ADARB2: variants seen among roughly 807,000 people sequenced by gnomAD.
ADARB2 encodes adenosine deaminase RNA specific B2 (inactive), also known as inactive double-stranded RNA-specific editase B2.
Under a neutral mutation model 62.2 loss-of-function variants are expected in ADARB2, and 25 were observed. The observed-to-expected ratio is 0.40, with a 90% CI of 0.29 to 0.56. The LOEUF (loss-of-function observed/expected upper bound fraction) is 0.56, where lower values mean the gene tolerates loss of function less well. Ranked by LOEUF, ADARB2 falls within the 20% of genes least tolerant of loss-of-function variation. The pLI is 0.43. For missense variants in ADARB2, 1,071 were observed against 1,077.4 expected (o/e 0.99, Z 0.08); for synonymous variants, 572 against 500.8 (o/e 1.14, Z -1.90).
intron 1 of ADARB2, among the ~76,000 whole-genome samples, chr10:1,564,956 A>C (rs781482201): frequency 5.6e-4 from 86 of 152,282 alleles, no homozygotes; most frequent in Non-Finnish European, 9.8e-4. Flanking sequence ...TCCTCCAGCG[A>C]TTCAGGCCTG....
chr10:1,400,841 C>T (rs887674190), intron 1 of ADARB2, among the ~76,000 whole-genome samples: 9 of 152,128 alleles, frequency 5.9e-5, no homozygotes, highest in African/African-American at 1.2e-4. Context: ...GGGCTTATGG[C>T]TTTGGAGTTG....
intron 1 of ADARB2, among the ~76,000 whole-genome samples, chr10:1,641,090 T>C (rs184737549): frequency 2.0e-5 from 3 of 152,372 alleles, no homozygotes; most frequent in Non-Finnish European, 4.4e-5. Flanking sequence ...AAAAAACATT[T>C]TCATAAACTA....
chr10:1,450,431 G>A (rs950590936), intron 1 of ADARB2, among the ~76,000 whole-genome samples: 12 of 152,158 alleles, frequency 7.9e-5, no homozygotes, highest in East Asian at 3.9e-4. Flanking sequence ...TCCCACTCTC[G>A]TGGCTTCGGT....
chr10:1,688,134 T>A (rs73591021), intron 1 of ADARB2, among the ~76,000 whole-genome samples: 2,712 of 152,374 alleles, frequency 0.018, 62 homozygotes, highest in African/African-American at 0.055. Context: ...AGGGAGTCAC[T>A]GTGCTGATTC....
chr10:1,582,351 G>A (rs572945818), intron 1 of ADARB2, among the ~76,000 whole-genome samples: 90 of 152,272 alleles, frequency 5.9e-4, no homozygotes, highest in Non-Finnish European at 8.8e-4. Context: ...CCTCACTGGG[G>A]TCTGCCCAGC....
At chr10:1,695,396 A>G (rs1232405355) in intron 1 of ADARB2, among the ~76,000 whole-genome samples, 2 of 152,192 alleles carry the variant, frequency 1.3e-5, no homozygotes, top group African/African-American at 4.8e-5. Flanking sequence ...AGCTCACATC[A>G]GATGCTCAGT....
At chr10:1,251,908 C>T (rs551504627) in intron 4 of ADARB2, among the ~76,000 whole-genome samples, 1 of 152,328 alleles carries the variant, frequency 6.6e-6, no homozygotes, top group South Asian at 2.1e-4. Context: ...AGGCAGAGTG[C>T]AGCCCTCTCG....
chr10:1,553,017 A>T (rs1832650134), intron 1 of ADARB2, among the ~76,000 whole-genome samples: 1 of 152,210 alleles, frequency 6.6e-6, no homozygotes, highest in African/African-American at 2.4e-5. Flanking sequence ...CTGTGGGAAC[A>T]TCCTGGGACA....
chr10:1,670,885 G>C (rs1403537041), intron 1 of ADARB2, among the ~76,000 whole-genome samples: 1 of 152,166 alleles, frequency 6.6e-6, no homozygotes, highest in African/African-American at 2.4e-5. Context: ...TCCAGACAAT[G>C]GGGAACTCAG....
chr10:1,438,790 C>A (rs372805100), intron 1 of ADARB2, among the ~76,000 whole-genome samples: 9 of 115,416 alleles, frequency 7.8e-5, no homozygotes, highest in South Asian at 3.0e-4. Context: ...GGAGGCAGGC[C>A]CTTCATGATG....
At chr10:1,394,337 A>C (rs1022624199) in intron 1 of ADARB2, among the ~76,000 whole-genome samples, 6 of 152,194 alleles carry the variant, frequency 3.9e-5, no homozygotes, top group African/African-American at 1.2e-4. Flanking sequence ...CCCGGGGCCC[A>C]GCCTCAAGGC....
chr10:1,662,471 G>A lies in ADARB2; in HGVS notation c.100+74580C>T, dbSNP rs375386938. 3.4e-3 allele frequency among the ~76,000 whole-genome samples: 514 copies of A among 152,318 alleles called. 4 individuals are homozygous for A. Among genetic ancestry groups the A allele is most frequent in the African/African-American group, 0.012 (485 of 41,576 alleles). On this transcript the variant is annotated intron_variant, in intron 1 of 9. Transcript: ENST00000381312. ...CCTGCTCTTGGTTCCGGCCTTGCAA[G>A]GGTTTTTCAGAGGACTCAGTGCAGC... is the stretch of plus-strand genomic sequence containing the variant.
chr10:1,522,963 T>C (rs1040599635), intron 1 of ADARB2, among the ~76,000 whole-genome samples: 7 of 152,118 alleles, frequency 4.6e-5, no homozygotes, highest in Admixed American at 3.9e-4. Context: ...TGTTATTGCT[T>C]ATAAAGCCCT....
intron 1 of ADARB2, among the ~76,000 whole-genome samples, chr10:1,500,226 T>A (rs2131937762): frequency 6.6e-6 from 1 of 152,328 alleles, no homozygotes; most frequent in East Asian, 1.9e-4. Flanking sequence ...CGTGTTCTTG[T>A]TTAGGCACTT....
chr10:1,696,150 G>GTA (rs1554733747), intron 1 of ADARB2, among the ~76,000 whole-genome samples: 15,259 of 152,086 alleles, frequency 0.1, 991 homozygotes, highest in Non-Finnish European at 0.15. Context: ...TGTATATTGT[G>GTA]TGTATGTGTT....
At chr10:1,564,571 A>G (rs1235366813) in intron 1 of ADARB2, among the ~76,000 whole-genome samples, 1 of 152,104 alleles carries the variant, frequency 6.6e-6, no homozygotes, top group Non-Finnish European at 1.5e-5. Context: ...CAAGAAAAAA[A>G]CAAACAACCC....
chr10:1,514,180 T>A (rs1354399134), intron 1 of ADARB2, among the ~76,000 whole-genome samples: 1 of 115,650 alleles, frequency 8.6e-6, no homozygotes. Context: ...TGTCTCAAAA[T>A]ATATATATAT....
chr10:1,315,723 G>A (rs1451524106), intron 3 of ADARB2, among the ~76,000 whole-genome samples: 2 of 152,124 alleles, frequency 1.3e-5, no homozygotes, highest in Middle Eastern at 3.2e-3. Context: ...TATTTACCAC[G>A]TTAAATATCA....
intron 1 of ADARB2, among the ~76,000 whole-genome samples, chr10:1,576,518 G>A (rs557047048): frequency 2.6e-5 from 4 of 152,124 alleles, no homozygotes; most frequent in Admixed American, 1.3e-4. Context: ...GGCAGGAGCC[G>A]AGAGGACTGA....
Sources: gnomAD v4.1 joint callset for allele counts (sites outside exome capture counted in the v4.1 genomes callset) on GRCh38, gnomAD v4.1.1 for gene constraint, MANE v1.5 for transcripts, NCBI Gene and HGNC (gene_info 2026-07-23, HGNC 2026-07-21) for gene names.